The following JAK1 variants were observed in gnomAD, a reference collection of about 807,000 sequenced individuals.
JAK1 encodes tyrosine-protein kinase JAK1.
Under a neutral mutation model 136.6 loss-of-function variants are expected in JAK1, and 16 were observed. The observed-to-expected ratio is 0.12, with a 90% CI of 0.08 to 0.18. The LOEUF (loss-of-function observed/expected upper bound fraction) is 0.18. JAK1 is among the 10% of genes least tolerant of loss of function. The pLI is 1.00. For synonymous variants in JAK1, 492 were observed against 519.5 expected, an observed-to-expected ratio of 0.95 and a Z score of 0.72; for missense variants, 859 against 1,450.1, an observed-to-expected ratio of 0.59 and a Z score of 6.62.
At chr1:64,889,451 C>A (rs1219118893) in intron 1 of JAK1, among the ~76,000 whole-genome samples, 1 of 152,072 alleles carries the variant, frequency 6.6e-6, no homozygotes, top group Non-Finnish European at 1.5e-5. Flanking sequence ...AAATACCTTT[C>A]TTTTGGTGAC....
intron 1 of JAK1, among the ~76,000 whole-genome samples, chr1:64,892,536 C>G (rs1644954639): frequency 6.6e-6 from 1 of 152,180 alleles, no homozygotes; most frequent in African/African-American, 2.4e-5. Context: ...CCTCCCATCT[C>G]AGCCTCCCAA....
chr1:64,844,745 G>A lies in JAK1; in HGVS notation c.2251+9C>T, dbSNP rs377365731. 42 of 1,613,962 alleles carry A rather than the reference G, an allele frequency of 2.6e-5. No homozygotes were observed. In the African/African-American group the frequency reaches 5.3e-4, roughly 20 times the overall value. On this transcript the variant is annotated intron_variant, in intron 16 of 24. Transcript: ENST00000342505. The surrounding 1 kb of genome is among the most constrained non-coding windows in gnomAD (Gnocchi z 5.7). ...GGGTGGGGCCAGAGGGAAGAGAGGG[G>A]AGACACACCTTGCCTAGACAGCACC...
chr1:64,938,598 TCTC>T (rs1363548144), intron 1 of JAK1, among the ~76,000 whole-genome samples: 1 of 152,192 alleles, frequency 6.6e-6, no homozygotes, highest in Non-Finnish European at 1.5e-5. Context: ...GAACTATTTA[TCTC>T]CTCTACTTCT....
At chr1:65,000,811 A>C (rs1646748373) in intron 2 of JAK1, among the ~76,000 whole-genome samples, 1 of 152,130 alleles carries the variant, frequency 6.6e-6, no homozygotes, top group African/African-American at 2.4e-5. Context: ...ATTTTTCTGC[A>C]ATGAATAATA....
At chr1:65,004,622 A>C (rs1382862987) in intron 2 of JAK1, among the ~76,000 whole-genome samples, 1 of 149,080 alleles carries the variant, frequency 6.7e-6, no homozygotes, top group Non-Finnish European at 1.5e-5. Context: ...TAGGAACCAA[A>C]ATTGCAAAAC....
intron 2 of JAK1, among the ~76,000 whole-genome samples, chr1:65,001,926 A>G (rs1488901829): frequency 6.6e-6 from 1 of 152,024 alleles, no homozygotes; most frequent in Non-Finnish European, 1.5e-5. Context: ...TCTCCTGTCC[A>G]GTGTTAAGGA....
intron 1 of JAK1, among the ~76,000 whole-genome samples, chr1:64,943,521 G>A (rs556031685): frequency 6.6e-6 from 1 of 152,298 alleles, no homozygotes; most frequent in East Asian, 1.9e-4. Context: ...CAACTGGATA[G>A]TCAGAGAAAA....
chr1:64,956,331 T>C (rs1005530234), intron 1 of JAK1, among the ~76,000 whole-genome samples: 2 of 151,890 alleles, frequency 1.3e-5, no homozygotes, highest in African/African-American at 4.8e-5. Flanking sequence ...AAATGGGAGG[T>C]GTCAAAGGAC....
chr1:65,067,124 C>A (rs888330086), intron 1 of JAK1, among the ~76,000 whole-genome samples: 34 of 152,022 alleles, frequency 2.2e-4, no homozygotes, highest in African/African-American at 7.9e-4. Flanking sequence ...GCAGTCGGTC[C>A]CGGAGTGCGG....
intron 1 of JAK1, among the ~76,000 whole-genome samples, chr1:64,893,355 G>GTTGA (rs750037499): frequency 3.5e-4 from 54 of 152,280 alleles, no homozygotes; most frequent in Non-Finnish European, 5.9e-4. Flanking sequence ...CCTGCCTGGT[G>GTTGA]TTGAGCAAGC....
At chr1:64,985,613 G>C in intron 2 of JAK1, 1 of 867,622 alleles carries the variant, frequency 1.2e-6, no homozygotes, top group Middle Eastern at 2.3e-4. Flanking sequence ...CAACAACAAT[G>C]CCCAGCTGGT....
chr1:64,940,307 C>G (rs1557709546), intron 1 of JAK1, among the ~76,000 whole-genome samples: 1 of 145,376 alleles, frequency 6.9e-6, no homozygotes, highest in Non-Finnish European at 1.5e-5. Context: ...CTAGCTTATA[C>G]CAATTTCAAT....
chr1:64,948,941 A>C (rs1163501905), intron 1 of JAK1, among the ~76,000 whole-genome samples: 3 of 151,072 alleles, frequency 2.0e-5, no homozygotes, highest in African/African-American at 7.4e-5. Context: ...TTCACCAAGG[A>C]ATCTACAGAA....
In JAK1 at chr1:64,889,507, G is replaced by GA. The variant is rs894717990; in HGVS notation, c.-77-3167dup. On this transcript the variant is annotated intron_variant, in intron 1 of 24. Transcript: ENST00000342505. ...CAATTTTGTAGGTGCTGTTTTACATGAAAAAAAAATCAGGGAAATTTTGTG... is the reference window on the plus strand; with the variant it reads ...CAATTTTGTAGGTGCTGTTTTACATGAAAAAAAAAATCAGGGAAATTTTGTG... Among the ~76,000 whole-genome samples the GA allele has an allele frequency of 1.1e-4, 17 of 151,106 alleles. 1 individual carries two copies. The highest frequency in any genetic ancestry group is 5.8e-4 in the East Asian group (3 of 5,164).
intron 2 of JAK1, among the ~76,000 whole-genome samples, chr1:65,043,239 G>T (rs1405513669): frequency 6.6e-6 from 1 of 152,122 alleles, no homozygotes; most frequent in Non-Finnish European, 1.5e-5. Context: ...ATAATATAAA[G>T]TCCTAATTTT....
intron 2 of JAK1, among the ~76,000 whole-genome samples, chr1:65,018,576 T>G (rs1400958158): frequency 6.6e-6 from 1 of 150,442 alleles, no homozygotes; most frequent in Non-Finnish European, 1.5e-5. Flanking sequence ...GGAAAGATAA[T>G]AAAAGGATAT....
In JAK1 at chr1:64,835,380, C is replaced by T. The variant is rs760616448; in HGVS notation, c.3369+16G>A. On this transcript the variant is annotated intron_variant, in intron 24 of 24. Coordinates refer to ENST00000342505, the MANE Select transcript of JAK1 (RefSeq NM_002227.4). ...TAGAAATGGAGTGTTATTACTGTGA[C>T]GTGGCCCATAGATACCTCATCTGGA... The T allele has an allele frequency of 8.1e-6, 11 of 1,358,702 alleles. No individual in the cohort carries two copies. The highest frequency in any genetic ancestry group is 4.6e-5 in the East Asian group (2 of 43,136). The allele number at this position is 1,358,702 out of a possible 1,614,324, so 84.2% of individuals were successfully genotyped here.
Position 64,864,971 on chromosome 1 carries a change from A to C in JAK1, c.992T>G (p.Val331Gly). Residue 331 changes from valine to glycine, a missense_variant and splice_region_variant, in exon 8 of 25, where the codon GTT becomes GGT. Physicochemically the swap from Val to Gly is moderately radical, Grantham distance 109. Around this residue, in one of 4 missense-constraint regions of JAK1, gnomAD observed 353 missense variants for 494.0 expected, o/e 0.71. Transcript: ENST00000342505. ...LGIQWRHKPN[V>G]VSVEKEKNKL... Reference sequence around the variant, plus strand: ...ATTTTTTTCCTTTTCAACAGAAACAACCTGATAAGATACATAAAAGGGACA... The same window carrying C: ...ATTTTTTTCCTTTTCAACAGAAACACCCTGATAAGATACATAAAAGGGACA... 1 of 1,609,416 alleles carries C rather than the reference A, an allele frequency of 6.2e-7. No individual in the cohort carries two copies. The highest frequency in any genetic ancestry group is 1.3e-5 in the African/African-American group (1 of 74,776).
chr1:64,915,087 C>T (rs577461801), intron 1 of JAK1, among the ~76,000 whole-genome samples: 4 of 152,270 alleles, frequency 2.6e-5, no homozygotes, highest in Non-Finnish European at 5.9e-5. Context: ...AGAATAACCA[C>T]ATATATACCT....
Sources: gnomAD v4.1 joint callset for allele counts (sites outside exome capture counted in the v4.1 genomes callset) on GRCh38, gnomAD v4.1.1 for gene constraint, gnomAD v4.1.1 regional missense constraint, Gnocchi (gnomAD v3.1) non-coding constraint, MANE v1.5 for transcripts, NCBI Gene and HGNC (gene_info 2026-07-23, HGNC 2026-07-21) for gene names.